CNTN3: variants seen among roughly 807,000 people sequenced by gnomAD.
The protein encoded by CNTN3 is contactin-3.
CNTN3 carries 60 observed loss-of-function variants against 119.1 expected under a neutral mutation model. That is an observed-to-expected ratio of 0.50 (90% CI 0.41 to 0.62). The LOEUF is 0.62. Among genes scored for constraint, CNTN3 ranks in the 20% least tolerant of loss-of-function variants. CNTN3 has a pLI of 0.00. For synonymous variants in CNTN3, 450 were observed against 438.7 expected (o/e 1.03, Z -0.32); for missense variants, 1,101 against 1,242.4 (o/e 0.89, Z 1.71).
chr3:74,493,608 G>T lies in CNTN3; in HGVS notation c.182+6051C>A, dbSNP rs191507895. 7.1e-3 allele frequency among the ~76,000 whole-genome samples: 1,075 copies of T among 152,234 alleles called. 9 individuals are homozygous for T. Among genetic ancestry groups the T allele is most frequent in the Non-Finnish European group, 0.013 (869 of 68,012 alleles). Reference sequence around the variant, plus strand: ...TAAATCAACAGGCAATACTTTATTTGGGGTTTGACAGGAAAATTAGAAATT... The same window carrying T: ...TAAATCAACAGGCAATACTTTATTTTGGGTTTGACAGGAAAATTAGAAATT... On this transcript the variant is annotated intron_variant, in intron 3 of 22. Transcript: ENST00000263665.
chr3:74,430,806 T>C (rs1206341016), intron 4 of CNTN3, among the ~76,000 whole-genome samples: 2 of 152,008 alleles, frequency 1.3e-5, no homozygotes, highest in African/African-American at 4.8e-5. Context: ...GAAATATGAA[T>C]TAAAAAATAA....
At chr3:74,448,423 C>A (rs1407045725) in intron 4 of CNTN3, among the ~76,000 whole-genome samples, 1 of 152,094 alleles carries the variant, frequency 6.6e-6, no homozygotes, top group Non-Finnish European at 1.5e-5. Context: ...ACTCTTCATC[C>A]TTATTCTCCA....
At chr3:74,380,267 G>C (rs1704581330) in intron 5 of CNTN3, among the ~76,000 whole-genome samples, 1 of 152,228 alleles carries the variant, frequency 6.6e-6, no homozygotes, top group South Asian at 2.1e-4. Context: ...TGCTTTGTGT[G>C]CTGAAAGAAA....
intron 1 of CNTN3, among the ~76,000 whole-genome samples, chr3:74,524,369 G>C (rs1016687200): frequency 1.3e-5 from 2 of 151,798 alleles, no homozygotes; most frequent in Non-Finnish European, 2.9e-5. Context: ...CAACTATTGC[G>C]AGTGACACCT....
chr3:74,547,028 G>A (rs762101796), intron 1 of CNTN3, among the ~76,000 whole-genome samples: 13 of 151,994 alleles, frequency 8.6e-5, no homozygotes, highest in Non-Finnish European at 1.5e-4. Flanking sequence ...TACACATCGC[G>A]CTGTCATTCC....
chr3:74,301,582 T>C, intron 15 of CNTN3, 35 bp from the exon 16 acceptor site: 4 of 1,612,180 alleles, frequency 2.5e-6, no homozygotes, highest in Non-Finnish European at 3.4e-6. Flanking sequence ...AGAGTCTGCC[T>C]GCTTTAGCAT....
intron 11 of CNTN3, among the ~76,000 whole-genome samples, chr3:74,344,643 T>G (rs1223851937): frequency 6.6e-6 from 1 of 151,842 alleles, no homozygotes; most frequent in Non-Finnish European, 1.5e-5. Flanking sequence ...GTATTTTTAG[T>G]ATAGACGAGG....
At chr3:74,500,747 C>T (rs184708767) in intron 2 of CNTN3, among the ~76,000 whole-genome samples, 8 of 151,996 alleles carry the variant, frequency 5.3e-5, no homozygotes, top group Admixed American at 5.3e-4. Flanking sequence ...ATAAGTGTAA[C>T]AACAATAAAG....
chr3:74,594,477 T>C (rs984974549), intron 1 of CNTN3, among the ~76,000 whole-genome samples: 12 of 151,486 alleles, frequency 7.9e-5, no homozygotes, highest in African/African-American at 2.4e-4. Flanking sequence ...CAGAGTGTGA[T>C]GTTCCCCTTC....
intron 5 of CNTN3, among the ~76,000 whole-genome samples, chr3:74,382,270 T>C (rs375736421): frequency 2.0e-5 from 3 of 152,316 alleles, no homozygotes; most frequent in African/African-American, 7.2e-5. Flanking sequence ...TATATTTTTA[T>C]GGGGTACTGT....
intron 20 of CNTN3, among the ~76,000 whole-genome samples, chr3:74,270,766 A>T (rs990274825): frequency 3.9e-5 from 6 of 152,160 alleles, no homozygotes; most frequent in Non-Finnish European, 7.3e-5. Flanking sequence ...CTGGACCTAA[A>T]CTGGTAAGTA....
chr3:74,608,444 T>A (rs1705028556), intron 1 of CNTN3, among the ~76,000 whole-genome samples: 1 of 152,208 alleles, frequency 6.6e-6, no homozygotes, highest in Admixed American at 6.5e-5. Context: ...AATAAAATAA[T>A]GAATTTTGAG....
intron 20 of CNTN3, among the ~76,000 whole-genome samples, chr3:74,271,826 C>T (rs1161036325): frequency 1.3e-5 from 2 of 152,102 alleles, no homozygotes; most frequent in Admixed American, 6.5e-5. Context: ...TAGTAAGATA[C>T]GGTTGTTTTG....
intron 4 of CNTN3, among the ~76,000 whole-genome samples, chr3:74,466,577 G>A (rs1036325270): frequency 3.3e-5 from 5 of 152,070 alleles, no homozygotes; most frequent in Admixed American, 2.0e-4. Context: ...GGAACTTAAG[G>A]CCGAGATGAG....
At chr3:74,515,162 C>A (rs528599958) in intron 2 of CNTN3, among the ~76,000 whole-genome samples, 3 of 152,014 alleles carry the variant, frequency 2.0e-5, no homozygotes, top group South Asian at 4.2e-4. Context: ...TCCATAGAGT[C>A]TGAATGTTAT....
intron 13 of CNTN3, among the ~76,000 whole-genome samples, chr3:74,322,912 A>C (rs1267695360): frequency 6.6e-6 from 1 of 152,234 alleles, no homozygotes; most frequent in East Asian, 1.9e-4. Flanking sequence ...ATACTATATG[A>C]GTCCAACAAT....
chr3:74,561,567 T>C (rs1704154549), intron 1 of CNTN3, among the ~76,000 whole-genome samples: 1 of 152,176 alleles, frequency 6.6e-6, no homozygotes, highest in East Asian at 1.9e-4. Context: ...TTTCTTCTCA[T>C]GTTTCTGGTC....
At chr3:74,319,094 G>A (rs921235699) in intron 13 of CNTN3, among the ~76,000 whole-genome samples, 2 of 152,122 alleles carry the variant, frequency 1.3e-5, no homozygotes, top group Non-Finnish European at 2.9e-5. Context: ...TACTGCCCAA[G>A]GTAATTTATA....
chr3:74,432,226 C>T (rs943668680), intron 4 of CNTN3, among the ~76,000 whole-genome samples: 11 of 151,868 alleles, frequency 7.2e-5, no homozygotes, highest in Admixed American at 3.9e-4. Context: ...ATGAACATAC[C>T]CAGAAAAGCA....
Sources: allele counts gnomAD v4.1 joint callset (sites outside exome capture counted in the v4.1 genomes callset), GRCh38; gene constraint gnomAD v4.1.1; transcripts MANE v1.5; gene names NCBI Gene and HGNC (gene_info 2026-07-23, HGNC 2026-07-21).